Variants in LRRC28 observed in about 807,000 individuals in gnomAD.
The protein encoded by LRRC28 is leucine-rich repeat-containing protein 28.
Under a neutral mutation model 45.7 loss-of-function variants are expected in LRRC28, and 39 were observed. The ratio of observed to expected loss-of-function variants is 0.85; its 90% confidence interval spans 0.66 to 1.12. The LOEUF is 1.12. Ranked by LOEUF, LRRC28 falls within the 50% of genes most tolerant of loss-of-function variation. The pLI, the probability that LRRC28 is intolerant of heterozygous loss-of-function variation, is 0.00. For missense variants in LRRC28, 435 were observed against 438.5 expected (o/e 0.99, Z 0.07); for synonymous variants, 206 against 178.8 (o/e 1.15, Z -1.22).
At chr15:99,360,443 TCTTAA>T (rs1428399045) in intron 7 of LRRC28, among the ~76,000 whole-genome samples, 2 of 152,158 alleles carry the variant, frequency 1.3e-5, no homozygotes, top group Non-Finnish European at 2.9e-5. Context: ...AATTTAAGTA[TCTTAA>T]CTGACTGGCA....
At position 99,297,529 on chromosome 15, in the gene LRRC28, G is replaced by C. The variant is rs148480130; in HGVS notation, c.385+9578G>C. On this transcript the variant is annotated intron_variant, in intron 5 of 9. Transcript: ENST00000301981. ...TCCTCGTGCTTTGGCCTGCCTAAAT[G>C]CTGGGTTAAAGGTGTGAGTCATCAT... 6.4e-3 allele frequency among the ~76,000 whole-genome samples: 957 copies of C among 150,428 alleles called. 14 individuals carry two copies. Among genetic ancestry groups the C allele is most frequent in the African/African-American group, 0.022 (896 of 40,900 alleles).
intron 9 of LRRC28, among the ~76,000 whole-genome samples, chr15:99,369,855 G>A (rs1437890687): frequency 6.6e-6 from 1 of 152,148 alleles, no homozygotes; most frequent in Non-Finnish European, 1.5e-5. Flanking sequence ...CCATATTGCT[G>A]GGTTAAGCTT....
chr15:99,253,939 T>G (rs2080941389), intron 1 of LRRC28, among the ~76,000 whole-genome samples: 1 of 152,216 alleles, frequency 6.6e-6, no homozygotes, highest in Non-Finnish European at 1.5e-5. Flanking sequence ...TTCTCCGGCT[T>G]GAGCCACTGG....
chr15:99,293,681 T>A (rs151199021), intron 5 of LRRC28, among the ~76,000 whole-genome samples: 1 of 150,210 alleles, frequency 6.7e-6, no homozygotes, highest in African/African-American at 2.5e-5. Context: ...TGCTTTCTAT[T>A]CTTCTTTTCT....
chr15:99,287,383 T>C, intron 4 of LRRC28, 89 bp downstream of exon 4: 1 of 999,628 alleles, frequency 1.0e-6, no homozygotes. Flanking sequence ...TAAGACACCT[T>C]TAATTTTTTA....
chr15:99,331,415 C>T (rs1008823062), intron 5 of LRRC28, among the ~76,000 whole-genome samples: 4 of 152,030 alleles, frequency 2.6e-5, no homozygotes, highest in Non-Finnish European at 4.4e-5. Flanking sequence ...TTTCCATATC[C>T]GATCAAACCT....
intron 9 of LRRC28, among the ~76,000 whole-genome samples, chr15:99,373,481 A>C (rs896568025): frequency 2.6e-5 from 4 of 152,202 alleles, no homozygotes; most frequent in African/African-American, 9.7e-5. Context: ...TAATAATCAC[A>C]TCATGAAAAT....
At chr15:99,282,456 AT>A (rs2152195052) in intron 3 of LRRC28, among the ~76,000 whole-genome samples, 1 of 152,298 alleles carries the variant, frequency 6.6e-6, no homozygotes. Context: ...GCACAGCATA[AT>A]TATGTCAATG....
At position 99,352,238 on chromosome 15, in the gene LRRC28, A is replaced by G. The variant is rs1385926758; in HGVS notation, c.593-131A>G. ...TAGGCTGACCCATAACTTACTTTAT[A>G]TAACACTTTTTATGGTTTTCTTCCA... On this transcript the variant is annotated intron_variant, in intron 6 of 9. Coordinates refer to ENST00000301981, the MANE Select transcript of LRRC28 (RefSeq NM_144598.5). 1.0e-5 allele frequency: 7 copies of G among 669,862 alleles called. No individual in the cohort carries two copies. In the Admixed American group the frequency reaches 1.5e-4, roughly 14 times the overall value. The allele number at this position is 669,862 out of a possible 1,614,324, so 41.5% of individuals were successfully genotyped here.
At chr15:99,344,843 C>T (rs1157273932) in intron 6 of LRRC28, among the ~76,000 whole-genome samples, 3 of 152,116 alleles carry the variant, frequency 2.0e-5, no homozygotes, top group Non-Finnish European at 2.9e-5. Context: ...ATTTTGTGCC[C>T]TTGGTTTGAG....
intron 5 of LRRC28, among the ~76,000 whole-genome samples, chr15:99,288,749 G>A (rs560256971): frequency 1.3e-4 from 19 of 151,072 alleles, no homozygotes; most frequent in African/African-American, 3.9e-4. Context: ...GCGTGATCTC[G>A]GCTCACTGCA....
At chr15:99,299,001 G>A (rs6598236) in intron 5 of LRRC28, among the ~76,000 whole-genome samples, 17,413 of 152,152 alleles carry the variant, frequency 0.11, 1,124 homozygotes, top group African/African-American at 0.18. Flanking sequence ...GAGCCATTTC[G>A]CCTGGCTTTG....
rs558223875 is a variant in LRRC28 at position 99,252,973 on chromosome 15, G to A, written c.-61+1432G>A. On this transcript the variant is annotated intron_variant, in intron 1 of 9. Coordinates refer to ENST00000301981, the MANE Select transcript of LRRC28 (RefSeq NM_144598.5). Reference sequence around the variant, plus strand: ...GGATTTCTAAATAAGTTTCGGAAGGGTTTATTTACAGGCTTTTTGGCTTTA... The same window carrying A: ...GGATTTCTAAATAAGTTTCGGAAGGATTTATTTACAGGCTTTTTGGCTTTA... Among the ~76,000 whole-genome samples the A allele has an allele frequency of 2.0e-5, 3 of 152,308 alleles. No homozygotes were observed. The South Asian group carries it at 6.2e-4, about 32-fold the overall frequency.
intron 5 of LRRC28, among the ~76,000 whole-genome samples, chr15:99,326,094 C>T (rs1011173030): frequency 6.6e-6 from 1 of 151,970 alleles, no homozygotes; most frequent in African/African-American, 2.4e-5. Context: ...ATGGGGCCCT[C>T]ACCTACCTTT....
At chr15:99,289,487 T>C (rs1487781896) in intron 5 of LRRC28, among the ~76,000 whole-genome samples, 1 of 152,196 alleles carries the variant, frequency 6.6e-6, no homozygotes, top group Non-Finnish European at 1.5e-5. Context: ...CAAGAGAATG[T>C]TAAAAATTAT....
chr15:99,260,590 A>G (rs1282666415), intron 2 of LRRC28, among the ~76,000 whole-genome samples: 4 of 152,218 alleles, frequency 2.6e-5, no homozygotes, highest in Non-Finnish European at 4.4e-5. Flanking sequence ...TCCAAAGCCC[A>G]CCCATTGCCT....
chr15:99,343,569 A>T (rs190348591), intron 6 of LRRC28, among the ~76,000 whole-genome samples: 1 of 152,372 alleles, frequency 6.6e-6, no homozygotes, highest in East Asian at 1.9e-4. Context: ...ACAGTACTTT[A>T]AAAAGCCACA....
chr15:99,275,135 C>T (rs1325121367), intron 2 of LRRC28, among the ~76,000 whole-genome samples: 2 of 152,148 alleles, frequency 1.3e-5, no homozygotes, highest in African/African-American at 2.4e-5. Flanking sequence ...TATATATATG[C>T]CTATATACTT....
chr15:99,358,874 T>A (rs1442007677), intron 7 of LRRC28, among the ~76,000 whole-genome samples: 3 of 152,088 alleles, frequency 2.0e-5, no homozygotes, highest in African/African-American at 4.8e-5. Context: ...GGTCAGAAGT[T>A]CAAGACCAGC....
Sources: allele counts gnomAD v4.1 joint callset (sites outside exome capture counted in the v4.1 genomes callset), GRCh38; gene constraint gnomAD v4.1.1; transcripts MANE v1.5; gene names NCBI Gene and HGNC (gene_info 2026-07-23, HGNC 2026-07-21).